NFIA: variants seen among roughly 807,000 people sequenced by gnomAD.
The protein encoded by NFIA is nuclear factor I A.
In NFIA, 8 loss-of-function variants were observed where a neutral mutation model predicts 62.8. The observed-to-expected ratio is 0.13, with a 90% CI of 0.07 to 0.23. NFIA has a LOEUF of 0.23. NFIA is among the 10% of genes least tolerant of loss of function. The pLI, the probability that NFIA is intolerant of heterozygous loss-of-function variation, is 1.00. For missense variants in NFIA, 410 were observed against 642.1 expected (o/e 0.64, Z 3.91); for synonymous variants, 235 against 238.1 (o/e 0.99, Z 0.12).
At chr1:61,388,212 T>C (rs2100494322) in intron 7 of NFIA, among the ~76,000 whole-genome samples, 1 of 152,304 alleles carries the variant, frequency 6.6e-6, no homozygotes, top group Middle Eastern at 3.4e-3. Flanking sequence ...GATATTAAAT[T>C]TCAGTAGAGG....
upstream of NFIA, among the ~76,000 whole-genome samples, chr1:61,081,598 G>A (rs1042066361): frequency 3.3e-5 from 5 of 152,080 alleles, no homozygotes; most frequent in Admixed American, 1.3e-4. Flanking sequence ...TGTTGTTTCT[G>A]AACGTGATAG....
Position 61,437,235 on chromosome 1 carries a change from G to T in NFIA, c.1512+10679G>T, listed in dbSNP as rs1884367. ...CATACAGCTTCTGCCCCTCTCAAGC[G>T]CAGTCTTCCTTCCATTGGTCCCTGG... is the stretch of plus-strand genomic sequence containing the variant. On this transcript the variant is annotated intron_variant, in intron 10 of 10. Transcript: ENST00000403491. 1.4e-3 allele frequency among the ~76,000 whole-genome samples: 209 copies of T among 152,082 alleles called. 5 individuals carry two copies. In the South Asian group the frequency reaches 0.042, roughly 31 times the overall value.
At chr1:61,306,914 G>T (rs780670086) in intron 3 of NFIA, among the ~76,000 whole-genome samples, 4 of 152,188 alleles carry the variant, frequency 2.6e-5, no homozygotes, top group Non-Finnish European at 4.4e-5. Flanking sequence ...GAACCAGCCT[G>T]CTCCAGTATG....
At chr1:61,195,248 C>G (rs1184479840) in intron 2 of NFIA, among the ~76,000 whole-genome samples, 2 of 152,134 alleles carry the variant, frequency 1.3e-5, no homozygotes, top group Non-Finnish European at 2.9e-5. Context: ...ATTGGGATTC[C>G]TTTGTCAAAA....
chr1:61,169,698 T>C (rs1309977558), intron 2 of NFIA, among the ~76,000 whole-genome samples: 1 of 152,216 alleles, frequency 6.6e-6, no homozygotes, highest in Non-Finnish European at 1.5e-5. Context: ...GTTTAAAACA[T>C]GGCCCATGAT....
chr1:61,077,848 TTTTC>T (rs1646050413), upstream of NFIA, among the ~76,000 whole-genome samples: 1 of 151,672 alleles, frequency 6.6e-6, no homozygotes, highest in Non-Finnish European at 1.5e-5. Context: ...CGGGTTTTCT[TTTTC>T]TTTTTTTTTT....
chr1:61,114,989 TG>T (rs1271447648), intron 2 of NFIA, among the ~76,000 whole-genome samples: 2 of 152,206 alleles, frequency 1.3e-5, no homozygotes, highest in African/African-American at 2.4e-5. Flanking sequence ...GTTTTGTTTT[TG>T]TTTATTTTGG....
chr1:61,292,529 A>C (rs1233876816), intron 3 of NFIA, among the ~76,000 whole-genome samples: 1 of 152,192 alleles, frequency 6.6e-6, no homozygotes, highest in African/African-American at 2.4e-5. Context: ...CCTTGAGTAC[A>C]TATTCTAGCA....
chr1:61,321,398 A>C (rs1660671366), intron 3 of NFIA, among the ~76,000 whole-genome samples: 1 of 151,900 alleles, frequency 6.6e-6, no homozygotes, highest in Non-Finnish European at 1.5e-5. Context: ...TAATTTGTTG[A>C]CATGACGAGA....
chr1:61,303,764 A>G (rs1383212020), intron 3 of NFIA, among the ~76,000 whole-genome samples: 2 of 152,228 alleles, frequency 1.3e-5, no homozygotes, highest in Admixed American at 6.5e-5. Flanking sequence ...CAAGGGTCCA[A>G]GTGATGCCAG....
intron 7 of NFIA, among the ~76,000 whole-genome samples, chr1:61,387,711 C>G (rs1229629258): frequency 6.6e-6 from 1 of 152,158 alleles, no homozygotes; most frequent in South Asian, 2.1e-4. Context: ...TTTGTTGTGC[C>G]TCACACAGTG....
At chr1:61,106,384 T>C (rs1646601047) in intron 2 of NFIA, among the ~76,000 whole-genome samples, 2 of 151,860 alleles carry the variant, frequency 1.3e-5, no homozygotes, top group South Asian at 2.1e-4. Flanking sequence ...TTGTCCATGC[T>C]GGAGTTACCT....
intron 2 of NFIA, among the ~76,000 whole-genome samples, chr1:61,118,665 TGTGTG>T (rs1269474724): frequency 1.5e-3 from 2 of 1,296 alleles, no homozygotes; most frequent in Non-Finnish European, 0.01. Context: ...GATGAGTGTG[TGTGTG>T]TGTGTGTGTG....
At chr1:61,353,154 A>G (rs921753931) in intron 5 of NFIA, among the ~76,000 whole-genome samples, 7 of 151,922 alleles carry the variant, frequency 4.6e-5, no homozygotes, top group African/African-American at 1.7e-4. Flanking sequence ...CTCAATATCC[A>G]GTTTACTGGA....
intron 9 of NFIA, among the ~76,000 whole-genome samples, chr1:61,412,043 A>G (rs1411844650): frequency 6.6e-6 from 1 of 152,094 alleles, no homozygotes; most frequent in Non-Finnish European, 1.5e-5. Context: ...TGCCACCTAG[A>G]TTTTAATAGA....
At chr1:61,296,446 G>A (rs116240135) in intron 3 of NFIA, among the ~76,000 whole-genome samples, 2,074 of 152,250 alleles carry the variant, frequency 0.014, 33 homozygotes, top group African/African-American at 0.047. Context: ...AAACCACAAA[G>A]ATGTTTTAGT....
At chr1:61,266,196 G>T (rs1291837628) in intron 2 of NFIA, among the ~76,000 whole-genome samples, 3 of 151,926 alleles carry the variant, frequency 2.0e-5, no homozygotes, top group Non-Finnish European at 4.4e-5. Context: ...CCAGAAAGTA[G>T]ACCTCCTGAC....
At chr1:61,176,293 AT>A (rs113640190) in intron 2 of NFIA, among the ~76,000 whole-genome samples, 10 of 151,880 alleles carry the variant, frequency 6.6e-5, no homozygotes, top group Non-Finnish European at 1.0e-4. Flanking sequence ...AATTTTTGCC[AT>A]TTTTTTTATT....
At chr1:61,424,282 A>G (rs936928780) in intron 9 of NFIA, among the ~76,000 whole-genome samples, 4 of 152,136 alleles carry the variant, frequency 2.6e-5, no homozygotes, top group African/African-American at 4.8e-5. Context: ...GATATAATAT[A>G]AATACCTTTC....
Sources: allele counts gnomAD v4.1 joint callset (sites outside exome capture counted in the v4.1 genomes callset), GRCh38; gene constraint gnomAD v4.1.1; transcripts MANE v1.5; gene names NCBI Gene and HGNC (gene_info 2026-07-23, HGNC 2026-07-21).